The following SRGAP3 variants were observed in gnomAD, a reference collection of about 807,000 sequenced individuals.
The protein encoded by SRGAP3 is SLIT-ROBO Rho GTPase activating protein 3.
Under a neutral mutation model 121.1 loss-of-function variants are expected in SRGAP3, and 39 were observed. That is an observed-to-expected ratio of 0.32 (90% CI 0.25 to 0.42). The LOEUF (loss-of-function observed/expected upper bound fraction) is 0.42, where lower values mean the gene tolerates loss of function less well. Ranked by LOEUF, SRGAP3 falls within the 10% of genes least tolerant of loss-of-function variation. SRGAP3 has a pLI of 1.00. For missense variants in SRGAP3, 1,213 were observed against 1,470.6 expected, an observed-to-expected ratio of 0.82 and a Z score of 2.86; for synonymous variants, 601 against 570.0, an observed-to-expected ratio of 1.05 and a Z score of -0.77.
At chr3:9,172,673 C>T (rs1951027014) in intron 1 of SRGAP3, among the ~76,000 whole-genome samples, 1 of 152,194 alleles carries the variant, frequency 6.6e-6, no homozygotes, top group African/African-American at 2.4e-5. Flanking sequence ...AGACTAACCC[C>T]TTTCTGGCCC....
chr3:9,127,111 C>T (rs1168405700), intron 1 of SRGAP3, among the ~76,000 whole-genome samples: 1 of 151,990 alleles, frequency 6.6e-6, no homozygotes, highest in Non-Finnish European at 1.5e-5. Context: ...CACTTGAGGC[C>T]AGGGGCTCAA....
intron 3 of SRGAP3, among the ~76,000 whole-genome samples, chr3:9,320,603 CTG>C (rs1201937023): frequency 6.6e-6 from 1 of 152,020 alleles, no homozygotes; most frequent in South Asian, 2.1e-4. Context: ...GCTATGCTTC[CTG>C]TACAGCCTGC....
chr3:9,158,043 C>A (rs548842010), intron 1 of SRGAP3, among the ~76,000 whole-genome samples: 29 of 152,338 alleles, frequency 1.9e-4, no homozygotes, highest in African/African-American at 7.0e-4. Context: ...TCAAGAAGTA[C>A]TGCCCCTGGC....
chr3:9,078,148 G>A (rs1016728846), intron 4 of SRGAP3, among the ~76,000 whole-genome samples: 1 of 152,188 alleles, frequency 6.6e-6, no homozygotes, highest in African/African-American at 2.4e-5. Context: ...ATAGACAGCA[G>A]GGATTGCAGG....
At chr3:9,009,895 C>T (rs1459572954) in intron 18 of SRGAP3, among the ~76,000 whole-genome samples, 2 of 152,164 alleles carry the variant, frequency 1.3e-5, no homozygotes, top group African/African-American at 2.4e-5. Context: ...GGGAGTTCCT[C>T]AAGGACCGAC....
chr3:9,355,780 G>C (rs1244411328), intron 1 of SRGAP3: 1 of 152,166 alleles, frequency 6.6e-6, no homozygotes, highest in African/African-American at 2.4e-5. Context: ...AATTTATAAA[G>C]TAAAGACATT....
intron 9 of SRGAP3, chr3:9,049,113 C>T (rs983687598): frequency 3.9e-6 from 1 of 254,960 alleles, no homozygotes; most frequent in Non-Finnish European, 8.0e-6. Flanking sequence ...GAAAAGTGAG[C>T]TGCAGAGGCT....
chr3:9,012,857 T>C (rs1943442000), intron 17 of SRGAP3, among the ~76,000 whole-genome samples: 1 of 152,212 alleles, frequency 6.6e-6, no homozygotes, highest in Non-Finnish European at 1.5e-5. Context: ...GGTCTTTTTC[T>C]ATTGAAGATG....
At chr3:9,259,517 G>A (rs1364146444) in intron 3 of SRGAP3, among the ~76,000 whole-genome samples, 1 of 152,098 alleles carries the variant, frequency 6.6e-6, no homozygotes, top group East Asian at 1.9e-4. Context: ...CTGTATTGCT[G>A]AGGCTGGCCT....
chr3:8,985,932 C>G lies in SRGAP3; in HGVS notation c.2887G>C (p.Asp963His). 6.3e-7 allele frequency: 1 copy of G among 1,599,662 alleles called. No homozygotes were observed. Among genetic ancestry groups the G allele is most frequent in the Non-Finnish European group, 8.5e-7 (1 of 1,179,920 alleles). ...KSLEAEALAEDIEKTMSTALH... is the reference protein window; with the variant it reads ...KSLEAEALAEHIEKTMSTALH... ...GCCGTGCTCATGGTCTTCTCGATGT[C>G]CTGGGGACAGAGGGAGCTGGGGTCA... Residue 963 changes from aspartate (D) to histidine (H), a missense_variant and splice_region_variant, in exon 22 of 22, where the codon GAC becomes CAC. By Grantham distance (81) the Asp-to-His change is moderately conservative. Around this residue, in one of 2 missense-constraint regions of SRGAP3, gnomAD observed 420 missense variants for 437.7 expected, o/e 0.96. Coordinates refer to ENST00000383836, the MANE Select transcript of SRGAP3 (RefSeq NM_014850.4). The surrounding 1 kb of genome is among the most constrained non-coding windows in gnomAD (Gnocchi z 5.1).
intron 3 of SRGAP3, among the ~76,000 whole-genome samples, chr3:9,309,316 G>A (rs2125277753): frequency 1.3e-5 from 2 of 152,304 alleles, no homozygotes; most frequent in African/African-American, 4.8e-5. Flanking sequence ...TCCTTAGGCA[G>A]CAGTTAATAC....
intron 3 of SRGAP3, among the ~76,000 whole-genome samples, chr3:9,299,192 C>T (rs1430840519): frequency 6.6e-6 from 1 of 151,318 alleles, no homozygotes; most frequent in African/African-American, 2.4e-5. Flanking sequence ...GAAACCCTGT[C>T]TCTACTAAAA....
intron 1 of SRGAP3, among the ~76,000 whole-genome samples, chr3:9,129,589 C>G (rs1344644049): frequency 6.6e-6 from 1 of 151,818 alleles, no homozygotes; most frequent in Non-Finnish European, 1.5e-5. Flanking sequence ...ATGGCACGTA[C>G]AGCAAATCTC....
chr3:9,329,475 T>A (rs1203294182), intron 2 of SRGAP3, among the ~76,000 whole-genome samples: 1 of 152,176 alleles, frequency 6.6e-6, no homozygotes, highest in Non-Finnish European at 1.5e-5. Flanking sequence ...TAGCACCCAA[T>A]ATCAAACCAG....
rs746183774 is a variant in SRGAP3, at chr3:8,985,786, A to G, written c.3033T>C (p.Ser1011=). Residue 1011 remains serine (S), a synonymous_variant, in exon 22 of 22, where the codon AGT becomes AGC. Coordinates refer to ENST00000383836, the MANE Select transcript of SRGAP3 (RefSeq NM_014850.4). This position sits in a 1 kb window ranked among gnomAD's most constrained non-coding sequence, Gnocchi z 5.1. The part of the protein sequence containing the change: ...PPGPVSSEPA[S]PLHTIVIRDP... ...CGCGGATGACGATGGTGTGAAGGGG[A>G]CTGGCGGGCTCCGAGCTGACGGGGC... is the stretch of plus-strand genomic sequence containing the variant. The G allele has an allele frequency of 4.5e-5, 72 of 1,599,814 alleles. No individual in the cohort carries two copies. The East Asian group carries it at 1.5e-3, about 33-fold the overall frequency.
intron 1 of SRGAP3, among the ~76,000 whole-genome samples, chr3:9,333,325 A>T (rs1434397079): frequency 6.6e-6 from 1 of 152,160 alleles, no homozygotes; most frequent in Non-Finnish European, 1.5e-5. Context: ...AATTCAGATG[A>T]TATCTTAGGG....
intron 17 of SRGAP3, among the ~76,000 whole-genome samples, chr3:9,010,738 CA>C (rs979004766): frequency 2.0e-5 from 3 of 152,178 alleles, no homozygotes; most frequent in Admixed American, 2.0e-4. Context: ...CAGGCCAGAA[CA>C]AAAAGAACCC....
At chr3:9,169,726 T>C (rs1950910182) in intron 1 of SRGAP3, among the ~76,000 whole-genome samples, 1 of 152,230 alleles carries the variant, frequency 6.6e-6, no homozygotes, top group South Asian at 2.1e-4. Flanking sequence ...CAATACCACA[T>C]TTCTCAGGTT....
intron 1 of SRGAP3, among the ~76,000 whole-genome samples, chr3:9,207,211 G>A (rs1003194174): frequency 5.3e-5 from 8 of 152,216 alleles, no homozygotes; most frequent in Admixed American, 4.6e-4. Flanking sequence ...CAGATCCAGA[G>A]ATTAAAGAAC....
Sources: allele counts gnomAD v4.1 joint callset (sites outside exome capture counted in the v4.1 genomes callset), GRCh38; gene constraint gnomAD v4.1.1; regional missense constraint gnomAD v4.1.1; non-coding constraint Gnocchi (gnomAD v3.1); transcripts MANE v1.5; gene names NCBI Gene and HGNC (gene_info 2026-07-23, HGNC 2026-07-21).